The following MYO9A variants were observed in gnomAD, a reference collection of about 807,000 sequenced individuals.
The protein encoded by MYO9A is unconventional myosin-IXa.
Under a neutral mutation model 293.3 loss-of-function variants are expected in MYO9A, and 103 were observed. That is an observed-to-expected ratio of 0.35 (90% CI 0.30 to 0.41). MYO9A has a LOEUF of 0.41. Ranked by LOEUF, MYO9A falls within the 10% of genes least tolerant of loss-of-function variation. The pLI is 1.00. For synonymous variants in MYO9A, 1,001 were observed against 1,035.7 expected (o/e 0.97, Z 0.64); for missense variants, 2,685 against 3,033.0 (o/e 0.89, Z 2.69).
chr15:71,826,351 A>AATCTC lies in MYO9A; in HGVS notation c.*224_*228dup. 1 of 508,456 alleles carries AATCTC rather than the reference A, an allele frequency of 2.0e-6. No individual in the cohort carries two copies. Among genetic ancestry groups the AATCTC allele is most frequent in the Middle Eastern group, 5.2e-4 (1 of 1,928 alleles). The allele number at this position is 508,456 out of a possible 1,614,324, so 31.5% of individuals were successfully genotyped here. On this transcript the variant is annotated 3_prime_UTR_variant, in exon 42 of 42. Transcript: ENST00000356056. ...GCCCTAGGTGGCTTTGTATAGTAAA[A>AATCTC]ATCTCAATTCAAATACAACAGCCAA...
chr15:72,019,251 T>A (rs2077429388), intron 5 of MYO9A, among the ~76,000 whole-genome samples, 156 bp from the exon 6 acceptor site: 1 of 152,240 alleles, frequency 6.6e-6, no homozygotes, highest in Admixed American at 6.5e-5. Flanking sequence ...AATATTCACA[T>A]GCTGGGAGAC....
intron 22 of MYO9A, 122 bp downstream of exon 22, chr15:71,902,819 T>C (rs979183926): frequency 9.2e-6 from 7 of 763,224 alleles, no homozygotes; most frequent in Non-Finnish European, 1.3e-5. Context: ...AACCTGGGCC[T>C]AACCAATTGT....
intron 39 of MYO9A, among the ~76,000 whole-genome samples, chr15:71,836,767 A>G (rs1427067446): frequency 6.6e-6 from 1 of 152,108 alleles, no homozygotes; most frequent in East Asian, 1.9e-4. Context: ...GCAAAACTAC[A>G]GTGCTCAGGG....
chr15:71,826,383 G>C lies in MYO9A; in HGVS notation c.*197C>G, dbSNP rs887094279. On this transcript the variant is annotated 3_prime_UTR_variant, in exon 42 of 42. Transcript: ENST00000356056. The stretch of plus-strand genomic sequence containing the variant: ...ATTCAAATACAACAGCCAAGGCACA[G>C]CTGGCACCATCCCCAGCAGGCTTTC... 1.8e-6 allele frequency: 1 copy of C among 569,178 alleles called. No individual in the cohort carries two copies. The highest frequency in any genetic ancestry group is 2.8e-5 in the South Asian group (1 of 36,116). 35.3% of individuals were successfully genotyped at this position (569,178 alleles called of 1,614,324 possible).
chr15:71,874,366 G>A (rs763994253), intron 32 of MYO9A, among the ~76,000 whole-genome samples: 2 of 152,130 alleles, frequency 1.3e-5, no homozygotes, highest in African/African-American at 2.4e-5. Flanking sequence ...AAGTAAAGAC[G>A]ATAGGAGGAG....
At chr15:72,009,817 A>G (rs2077121881) in intron 7 of MYO9A, among the ~76,000 whole-genome samples, 1 of 152,230 alleles carries the variant, frequency 6.6e-6, no homozygotes, top group Admixed American at 6.5e-5. Context: ...GCCAAGGTTG[A>G]GTCTTTAATT....
At chr15:71,938,809 T>C (rs774127392) in intron 16 of MYO9A, 43 bp downstream of exon 16, 1 of 1,472,254 alleles carries the variant, frequency 6.8e-7, no homozygotes, top group Non-Finnish European at 9.3e-7. Context: ...ATGTTAGTTA[T>C]TTCTTCTATA....
chr15:71,927,434 A>G (rs1040154785), intron 18 of MYO9A, among the ~76,000 whole-genome samples: 8 of 152,122 alleles, frequency 5.3e-5, no homozygotes, highest in African/African-American at 1.2e-4. Context: ...CAACAGCCAG[A>G]CCAATGTCAT....
intron 16 of MYO9A, among the ~76,000 whole-genome samples, chr15:71,936,835 T>C (rs1041446686): frequency 4.6e-5 from 7 of 151,976 alleles, no homozygotes; most frequent in Admixed American, 4.6e-4. Flanking sequence ...ATCCCTAAGA[T>C]AATGTGTCTT....
At position 71,852,123 on chromosome 15, in the gene MYO9A, T is replaced by C; in HGVS notation, c.6475+9A>G. 6.2e-7 allele frequency: 1 copy of C among 1,608,198 alleles called. No homozygotes were observed. Among genetic ancestry groups the C allele is most frequent in the Non-Finnish European group, 8.5e-7 (1 of 1,176,162 alleles). ...GGCCTTCTCTCTAACCCAGGAAGCC[T>C]ATGCTTACCCATAGCTCGAAGAAAT... On this transcript the variant is annotated intron_variant, in intron 36 of 41. Transcript: ENST00000356056.
At chr15:71,936,461 C>A (rs2058646236) in intron 16 of MYO9A, among the ~76,000 whole-genome samples, 1 of 152,002 alleles carries the variant, frequency 6.6e-6, no homozygotes, top group African/African-American at 2.4e-5. Context: ...CTGAAAACAG[C>A]TAGAAGACAG....
In MYO9A at chr15:71,823,536, A is replaced by ATAATT. The variant is rs2054352842; in HGVS notation, c.*3039_*3043dup. ...GTTTTCAGAAGCCCAGAGTGGCAAAATAATTTAAATGGCAGGAGGTACAAA... is the reference window on the plus strand; with the variant it reads ...GTTTTCAGAAGCCCAGAGTGGCAAAATAATTTAATTTAAATGGCAGGAGGTACAAA... On this transcript the variant is annotated 3_prime_UTR_variant, in exon 42 of 42. Transcript: ENST00000356056. The ATAATT allele has an allele frequency of 6.6e-6, 1 of 152,202 alleles. No homozygotes were observed. The highest frequency in any genetic ancestry group is 2.1e-4 in the South Asian group (1 of 4,832). The allele number at this position is 152,202 out of a possible 1,614,324, so 9.4% of individuals were successfully genotyped here.
rs2056843865 is a variant in MYO9A at position 71,880,551 on chromosome 15, A to T, written c.5406T>A (p.Ala1802=). The change falls in exon 29 of 42, where the codon GCT becomes GCA. Residue 1802 remains alanine, a synonymous_variant. Transcript: ENST00000356056. ...TCAAAGGAGGTGTTGGGTGATATGC[A>T]GCTAATTCTACAATTCAAGATAGAA... ...IPAHQFPDEL[A]AYHPTPPLSP... is the part of the protein sequence containing the mutation. The T allele has an allele frequency of 2.5e-6, 4 of 1,612,920 alleles. No individual in the cohort carries two copies. The highest frequency in any genetic ancestry group is 3.4e-6 in the Non-Finnish European group (4 of 1,179,364).
intron 32 of MYO9A, among the ~76,000 whole-genome samples, chr15:71,872,589 T>C (rs2056549086): frequency 6.6e-6 from 1 of 152,104 alleles, no homozygotes; most frequent in South Asian, 2.1e-4. Context: ...CCCCAAAATA[T>C]GTAAAATATA....
At chr15:71,993,467 G>A (rs968943405) in intron 10 of MYO9A, among the ~76,000 whole-genome samples, 10 of 151,926 alleles carry the variant, frequency 6.6e-5, no homozygotes, top group Middle Eastern at 3.4e-3. Flanking sequence ...ATAAAATAGC[G>A]AAAACATGAG....
chr15:71,921,730 G>A (rs1567273693), intron 18 of MYO9A, among the ~76,000 whole-genome samples: 1 of 152,156 alleles, frequency 6.6e-6, no homozygotes, highest in African/African-American at 2.4e-5. Flanking sequence ...CAAAAAGTTA[G>A]TATGAGTCTA....
At chr15:71,917,525 ACT>A (rs2058043905) in intron 18 of MYO9A, among the ~76,000 whole-genome samples, 1 of 152,108 alleles carries the variant, frequency 6.6e-6, no homozygotes, top group African/African-American at 2.4e-5. Context: ...ACAGTGAGAG[ACT>A]CTGTCAAAAA....
intron 15 of MYO9A, among the ~76,000 whole-genome samples, chr15:71,941,327 C>T (rs545365388): frequency 7.9e-5 from 12 of 152,166 alleles, no homozygotes; most frequent in Non-Finnish European, 1.3e-4. Context: ...CCCAACTACT[C>T]AGGAGGCTGA....
chr15:71,844,949 T>TGAG (rs2055320712), intron 39 of MYO9A, among the ~76,000 whole-genome samples: 1 of 152,188 alleles, frequency 6.6e-6, no homozygotes, highest in South Asian at 2.1e-4. Flanking sequence ...GTTAAATGTG[T>TGAG]GAGGAGGAGG....
Sources: allele counts gnomAD v4.1 joint callset (sites outside exome capture counted in the v4.1 genomes callset), GRCh38; gene constraint gnomAD v4.1.1; transcripts MANE v1.5; gene names NCBI Gene and HGNC (gene_info 2026-07-23, HGNC 2026-07-21).